The following KIRREL3 variants were observed in gnomAD, a reference collection of about 807,000 sequenced individuals.
KIRREL3 encodes kin of IRRE-like protein 3.
A neutral mutation model predicts 89.7 loss-of-function variants in KIRREL3; 36 were observed. That is an observed-to-expected ratio of 0.40 (90% CI 0.31 to 0.53). KIRREL3 has a LOEUF of 0.53. KIRREL3 is among the 20% of genes least tolerant of loss of function. The pLI, the probability that KIRREL3 is intolerant of heterozygous loss-of-function variation, is 0.49. For synonymous variants in KIRREL3, 445 were observed against 441.4 expected (o/e 1.01, Z -0.10); for missense variants, 864 against 1,056.6 (o/e 0.82, Z 2.53).
At chr11:126,711,638 T>C (rs981442134) in intron 1 of KIRREL3, among the ~76,000 whole-genome samples, 1 of 152,236 alleles carries the variant, frequency 6.6e-6, no homozygotes, top group African/African-American at 2.4e-5. Context: ...AGTATCATGT[T>C]AGCTGTAAAA....
rs1292388815 is a variant in KIRREL3, at chr11:126,498,543, C to A, written c.433+22772G>T. On this transcript the variant is annotated intron_variant, in intron 4 of 16. Transcript: ENST00000525144. The surrounding 1 kb of genome is among the most constrained non-coding windows in gnomAD (Gnocchi z 4.3). ...ATCTAATTAGTAATTATAAAAGATC[C>A]CGACTAGAAATTGTTTTCAGTTAAA... Among the ~76,000 whole-genome samples the A allele has an allele frequency of 6.6e-6, 1 of 152,110 alleles. No individual in the cohort carries two copies. The highest frequency in any genetic ancestry group is 1.5e-5 in the Non-Finnish European group (1 of 68,028).
Position 126,523,457 on chromosome 11 carries a change from A to T in KIRREL3, c.284-1993T>A, listed in dbSNP as rs1237203356. Reference sequence around the variant, plus strand: ...GCATGCTCTGGAGTGCTTCCTGTGCAGCTGGGCCCTTCAGACTCATGTCTT... The same window carrying T: ...GCATGCTCTGGAGTGCTTCCTGTGCTGCTGGGCCCTTCAGACTCATGTCTT... On this transcript the variant is annotated intron_variant, in intron 3 of 16. Transcript: ENST00000525144. This position sits in a 1 kb window ranked among gnomAD's most constrained non-coding sequence, Gnocchi z 4.9. Among the ~76,000 whole-genome samples the T allele has an allele frequency of 6.6e-6, 1 of 152,096 alleles. No homozygotes were observed. The highest frequency in any genetic ancestry group is 1.9e-4 in the East Asian group (1 of 5,172).
chr11:127,001,320 G>A (rs938660113), upstream of KIRREL3, among the ~76,000 whole-genome samples: 1 of 137,306 alleles, frequency 7.3e-6, no homozygotes, highest in Non-Finnish European at 1.6e-5. Context: ...GTGGTGGGGG[G>A]GGGGGGTAGG....
At position 126,564,668 on chromosome 11, in the gene KIRREL3, G is replaced by A. The variant is rs1940383075; in HGVS notation, c.56-1756C>T. Reference sequence around the variant, plus strand: ...ATTCAAGGCCTTGGCCCTTTCTTCAGGGGCTCCTGCTCTGTCGCAGGCCTC... The same window carrying A: ...ATTCAAGGCCTTGGCCCTTTCTTCAAGGGCTCCTGCTCTGTCGCAGGCCTC... On this transcript the variant is annotated intron_variant, in intron 1 of 16. Coordinates refer to ENST00000525144, the MANE Select transcript of KIRREL3 (RefSeq NM_032531.4). This position sits in a 1 kb window ranked among gnomAD's most constrained non-coding sequence, Gnocchi z 7.4. Among the ~76,000 whole-genome samples the A allele has an allele frequency of 6.6e-6, 1 of 152,222 alleles. No individual in the cohort carries two copies. The highest frequency in any genetic ancestry group is 2.4e-5 in the African/African-American group (1 of 41,468).
rs1229626027 is a variant in KIRREL3, at chr11:126,439,826, AAC to A, written c.1353+621_1353+622del. Among the ~76,000 whole-genome samples, 8 of 147,520 alleles carry A rather than the reference AAC, an allele frequency of 5.4e-5. No homozygotes were observed. The East Asian group carries it at 7.1e-4, about 13-fold the overall frequency. ...GAGCGAGACTCCATCTCAAAAAACA[AAC>A]ACAAACAAACAAACCCAAAAAACAC... On this transcript the variant is annotated intron_variant, in intron 11 of 16. Transcript: ENST00000525144.
At chr11:126,974,817 C>T (rs1354333326) in intron 1 of KIRREL3, among the ~76,000 whole-genome samples, 3 of 152,126 alleles carry the variant, frequency 2.0e-5, no homozygotes, top group East Asian at 1.9e-4. Flanking sequence ...GTCTTCCTCC[C>T]ACCTCAGCCT....
rs2135305830 is a variant in KIRREL3 at position 126,999,676 on chromosome 11, C to T, written c.55+779G>A. The stretch of plus-strand genomic sequence containing the variant: ...ACTCACATTCCCTCTCCCGAATTTC[C>T]CTCTCCTTTCTGCACCACTACCAGC... On this transcript the variant is annotated intron_variant, in intron 1 of 16. Transcript: ENST00000525144. The surrounding 1 kb of genome is among the most constrained non-coding windows in gnomAD (Gnocchi z 5.7). Among the ~76,000 whole-genome samples the T allele has an allele frequency of 6.6e-6, 1 of 152,326 alleles. No homozygotes were observed. Among genetic ancestry groups the T allele is most frequent in the South Asian group, 2.1e-4 (1 of 4,828 alleles).
rs2134303859 is a variant in KIRREL3, at chr11:126,772,902, A to G, written c.56-209990T>C. 6.6e-6 allele frequency among the ~76,000 whole-genome samples: 1 copy of G among 152,252 alleles called. No homozygotes were observed. The highest frequency in any genetic ancestry group is 2.1e-4 in the South Asian group (1 of 4,824). On this transcript the variant is annotated intron_variant, in intron 1 of 16. Transcript: ENST00000525144. The surrounding 1 kb of genome is among the most constrained non-coding windows in gnomAD (Gnocchi z 4.6). Reference sequence around the variant, plus strand: ...AACCTGCTTGGCCAACAATCTCCCCAGTGATTCTTACGGACATCAGGACTG... The same window carrying G: ...AACCTGCTTGGCCAACAATCTCCCCGGTGATTCTTACGGACATCAGGACTG...
At chr11:126,596,018 T>C (rs941544560) in intron 1 of KIRREL3, among the ~76,000 whole-genome samples, 2 of 152,172 alleles carry the variant, frequency 1.3e-5, no homozygotes, top group Non-Finnish European at 2.9e-5. Context: ...TCCAAGCAGG[T>C]GGGGAGCCCT....
At chr11:126,720,376 G>T (rs1015157853) in intron 1 of KIRREL3, among the ~76,000 whole-genome samples, 1 of 152,148 alleles carries the variant, frequency 6.6e-6, no homozygotes, top group Admixed American at 6.5e-5. Flanking sequence ...TGCATGGTGG[G>T]GCTGTATCTG....
In KIRREL3 at chr11:126,496,539, A is replaced by T. The variant is rs529171718; in HGVS notation, c.434-23073T>A. The stretch of plus-strand genomic sequence containing the variant: ...CAAATGAGAACCCAAGGTGTTGGCC[A>T]AGTTTGGAGGGAGGGGTGGGTGTGA... On this transcript the variant is annotated intron_variant, in intron 4 of 16. Transcript: ENST00000525144. This position sits in a 1 kb window ranked among gnomAD's most constrained non-coding sequence, Gnocchi z 4.9. 1.3e-5 allele frequency among the ~76,000 whole-genome samples: 2 copies of T among 152,098 alleles called. No homozygotes were observed. The highest frequency in any genetic ancestry group is 4.8e-5 in the African/African-American group (2 of 41,482).
intron 8 of KIRREL3, among the ~76,000 whole-genome samples, chr11:126,447,250 C>T (rs896716612): frequency 3.3e-5 from 5 of 151,852 alleles, no homozygotes; most frequent in African/African-American, 9.7e-5. Flanking sequence ...TAGAAAGCTG[C>T]GGAAGCCCCT....
At chr11:126,975,080 G>T (rs1949531048) in intron 1 of KIRREL3, among the ~76,000 whole-genome samples, 1 of 152,048 alleles carries the variant, frequency 6.6e-6, no homozygotes, top group South Asian at 2.1e-4. Flanking sequence ...GAAGTGCTGG[G>T]ATTACAGGTG....
intron 1 of KIRREL3, among the ~76,000 whole-genome samples, chr11:126,851,739 T>A (rs1428275786): frequency 6.6e-6 from 1 of 152,188 alleles, no homozygotes; most frequent in Admixed American, 6.5e-5. Context: ...GTGAAAGCGA[T>A]TAAGACATCC....
intron 1 of KIRREL3, among the ~76,000 whole-genome samples, chr11:126,634,310 A>G (rs905197907): frequency 2.0e-5 from 3 of 152,288 alleles, no homozygotes; most frequent in Non-Finnish European, 2.9e-5. Context: ...TGCACTTTCC[A>G]TGCATTCATG....
Position 126,525,661 on chromosome 11 carries a change from C to G in KIRREL3, c.283+877G>C, listed in dbSNP as rs922015814. 3.3e-5 allele frequency among the ~76,000 whole-genome samples: 5 copies of G among 152,212 alleles called. No homozygotes were observed. Among genetic ancestry groups the G allele is most frequent in the African/African-American group, 1.2e-4 (5 of 41,458 alleles). On this transcript the variant is annotated intron_variant, in intron 3 of 16. Transcript: ENST00000525144. The surrounding 1 kb of genome is among the most constrained non-coding windows in gnomAD (Gnocchi z 5.4). ...TAATATTTTTCTCTCCTCCTCCACC[C>G]TTAGCTATTCCCAAATCACAGGGGA...
chr11:126,541,848 C>T lies in KIRREL3; in HGVS notation c.134-15161G>A, dbSNP rs577840312. ...AAGTGGCTGTCTCTCTCTCGGGGTG[C>T]GCATTGATGTTCCCACTGCACAGTG... On this transcript the variant is annotated intron_variant, in intron 2 of 16. Coordinates refer to ENST00000525144, the MANE Select transcript of KIRREL3 (RefSeq NM_032531.4). This position sits in a 1 kb window ranked among gnomAD's most constrained non-coding sequence, Gnocchi z 4.8. Among the ~76,000 whole-genome samples the T allele has an allele frequency of 8.5e-4, 129 of 152,244 alleles. 1 individual carries two copies. Among genetic ancestry groups the T allele is most frequent in the East Asian group, 6.4e-3 (33 of 5,178 alleles).
chr11:126,515,737 G>T lies in KIRREL3; in HGVS notation c.433+5578C>A, dbSNP rs1209894688. On this transcript the variant is annotated intron_variant, in intron 4 of 16. Transcript: ENST00000525144. The surrounding 1 kb of genome is among the most constrained non-coding windows in gnomAD (Gnocchi z 4.2). The stretch of plus-strand genomic sequence containing the variant: ...CACAGCTGGGGGCTGGCCTCGGGGG[G>T]CCTTGTGTGGCCTGGCAGGGAGCTT... Among the ~76,000 whole-genome samples the T allele has an allele frequency of 6.6e-6, 1 of 152,162 alleles. No homozygotes were observed.
chr11:126,958,512 C>T (rs1478751767), intron 1 of KIRREL3, among the ~76,000 whole-genome samples: 1 of 152,218 alleles, frequency 6.6e-6, no homozygotes, highest in Non-Finnish European at 1.5e-5. Context: ...TGGGTCAGCC[C>T]CATCCCTACC....
Sources: gnomAD v4.1 joint callset for allele counts (sites outside exome capture counted in the v4.1 genomes callset) on GRCh38, gnomAD v4.1.1 for gene constraint, Gnocchi (gnomAD v3.1) non-coding constraint, MANE v1.5 for transcripts, NCBI Gene and HGNC (gene_info 2026-07-23, HGNC 2026-07-21) for gene names.